The following GLRA2 variants were observed in gnomAD, a reference collection of about 807,000 sequenced individuals.
The protein encoded by GLRA2 is glycine receptor subunit alpha-2.
In GLRA2, 11 loss-of-function variants were observed where a neutral mutation model predicts 31.6. The observed-to-expected ratio is 0.35, with a 90% CI of 0.22 to 0.58. The LOEUF (loss-of-function observed/expected upper bound fraction) is 0.58, where lower values mean the gene tolerates loss of function less well. Ranked by LOEUF, GLRA2 falls within the 20% of genes least tolerant of loss-of-function variation. GLRA2 has a pLI of 0.84. For missense variants in GLRA2, 212 were observed against 351.8 expected (o/e 0.60, Z 3.18); for synonymous variants, 132 against 134.0 (o/e 0.99, Z 0.10).
chrX:14,707,100 T>C lies in GLRA2; in HGVS notation c.1080+16241T>C, dbSNP rs12559634. On this transcript the variant is annotated intron_variant, in intron 8 of 8. Coordinates refer to ENST00000218075, the MANE Select transcript of GLRA2 (RefSeq NM_002063.4). ...CCAAGTACCCTATCCTGTCAATATG[T>C]TTCATTACAGCACCATTTCCTGGAA... 9.8e-3 allele frequency among the ~76,000 whole-genome samples: 1,101 copies of C among 111,979 alleles called. 32 individuals are homozygous for C. The highest frequency in any genetic ancestry group is 0.078 in the Admixed American group (828 of 10,562).
At chrX:14,690,282 ATAAT>A (rs905323805) in intron 7 of GLRA2, among the ~76,000 whole-genome samples, 1 of 112,310 alleles carries the variant, frequency 8.9e-6, no homozygotes, top group Admixed American at 9.4e-5. Context: ...AATTAAGAGA[ATAAT>A]TATTTTTAAT....
chrX:14,641,587 G>A (rs759969286), intron 7 of GLRA2, among the ~76,000 whole-genome samples: 6 of 111,429 alleles, frequency 5.4e-5, no homozygotes, highest in Non-Finnish European at 1.1e-4. Context: ...GGAGATCATC[G>A]GAATAGACCT....
chrX:14,707,614 C>T (rs774994613), intron 8 of GLRA2, among the ~76,000 whole-genome samples: 23 of 93,793 alleles, frequency 2.5e-4, no homozygotes, highest in Middle Eastern at 0.014. Context: ...AAGAAAATAT[C>T]ATGGTATATC....
chrX:14,657,947 T>C (rs1043664178), intron 7 of GLRA2, among the ~76,000 whole-genome samples: 3 of 111,734 alleles, frequency 2.7e-5, no homozygotes, highest in African/African-American at 9.8e-5. Flanking sequence ...AATTACCTTA[T>C]ATGTATTATC....
chrX:14,725,507 A>G (rs1275437880), intron 8 of GLRA2, among the ~76,000 whole-genome samples: 1 of 112,092 alleles, frequency 8.9e-6, no homozygotes, highest in African/African-American at 3.2e-5. Context: ...GCTCAGTCCA[A>G]TAAAAAAATC....
At chrX:14,655,550 C>A (rs1215779498) in intron 7 of GLRA2, among the ~76,000 whole-genome samples, 1 of 111,551 alleles carries the variant, frequency 9.0e-6, no homozygotes, top group Non-Finnish European at 1.9e-5. Context: ...ATAATCCAAA[C>A]TGAGGGTTCC....
chrX:14,465,836 C>T, the GLRA2 span, among the ~76,000 whole-genome samples: 1 of 111,769 alleles, frequency 8.9e-6, no homozygotes, highest in Non-Finnish European at 1.9e-5. Context: ...TAGGTTAATA[C>T]TTTGGAGACC....
At chrX:14,604,151 GTTC>G (rs1163643524) in intron 4 of GLRA2, among the ~76,000 whole-genome samples, 161 bp from the exon 5 acceptor site, 1 of 110,112 alleles carries the variant, frequency 9.1e-6, no homozygotes, top group Non-Finnish European at 1.9e-5. Flanking sequence ...ATCAGTGACT[GTTC>G]TTCATTTTAA....
At chrX:14,529,444 GC>G (rs896879550), upstream of GLRA2, 2 of 108,484 alleles carry the variant, frequency 1.8e-5, no homozygotes, top group African/African-American at 6.8e-5. Flanking sequence ...CCCGACCCCC[GC>G]CCCAAGCAAC....
intron 2 of GLRA2, among the ~76,000 whole-genome samples, chrX:14,563,082 G>A (rs150264515): frequency 8.9e-6 from 1 of 112,486 alleles, no homozygotes; most frequent in East Asian, 2.8e-4. Context: ...ATTCAAAATC[G>A]ACCATGCATA....
At chrX:14,464,209 G>A in the GLRA2 span, among the ~76,000 whole-genome samples, 1 of 111,850 alleles carries the variant, frequency 8.9e-6, no homozygotes, top group South Asian at 3.7e-4. Context: ...ATTTATTTTT[G>A]ATTTTGTTGC....
intron 8 of GLRA2, among the ~76,000 whole-genome samples, chrX:14,721,139 A>G (rs2091860078): frequency 9.4e-6 from 1 of 106,839 alleles, no homozygotes; most frequent in Admixed American, 1.0e-4. Flanking sequence ...AAAAAAAAAA[A>G]TACTGTTGGG....
At chrX:14,654,907 G>A (rs999487422) in intron 7 of GLRA2, among the ~76,000 whole-genome samples, 1 of 111,261 alleles carries the variant, frequency 9.0e-6, no homozygotes, top group African/African-American at 3.3e-5. Flanking sequence ...CAAGAGAAAG[G>A]GGTTTCCCCT....
At chrX:14,557,102 C>CTTTTTTTTTTT (rs58282642) in intron 2 of GLRA2, among the ~76,000 whole-genome samples, 1 of 46,355 alleles carries the variant, frequency 2.2e-5, no homozygotes, top group African/African-American at 9.6e-5. Context: ...TAAAGTATTT[C>CTTTTTTTTTTT]TTTTTTTTTT....
At chrX:14,547,809 G>A (rs942843266) in intron 2 of GLRA2, among the ~76,000 whole-genome samples, 11 of 111,057 alleles carry the variant, frequency 9.9e-5, no homozygotes, top group Admixed American at 5.7e-4. Context: ...CCTTTCCTAC[G>A]TGCTCAGTCT....
intron 2 of GLRA2, among the ~76,000 whole-genome samples, chrX:14,570,196 T>G (rs2089864694): frequency 8.9e-6 from 1 of 112,142 alleles, no homozygotes; most frequent in Admixed American, 9.5e-5. Flanking sequence ...ATATTGTGAA[T>G]GCAGTTAATG....
the GLRA2 span, among the ~76,000 whole-genome samples, chrX:14,488,970 C>T: frequency 9.0e-6 from 1 of 111,318 alleles, no homozygotes; most frequent in African/African-American, 3.3e-5. Context: ...GGTTTCAAGC[C>T]TGTGTATTGT....
At chrX:14,600,509 T>A (rs989529590) in intron 4 of GLRA2, among the ~76,000 whole-genome samples, 2 of 111,474 alleles carry the variant, frequency 1.8e-5, no homozygotes, top group Non-Finnish European at 3.8e-5. Flanking sequence ...TATTTTCATA[T>A]AATGAACATT....
chrX:14,493,708 C>T, the GLRA2 span, among the ~76,000 whole-genome samples: 12 of 84,946 alleles, frequency 1.4e-4, no homozygotes, highest in African/African-American at 3.9e-4. Flanking sequence ...TATGTATACA[C>T]ATGTATACAT....
Sources: gnomAD v4.1 joint callset for allele counts (sites outside exome capture counted in the v4.1 genomes callset) on GRCh38, gnomAD v4.1.1 for gene constraint, MANE v1.5 for transcripts, NCBI Gene and HGNC (gene_info 2026-07-23, HGNC 2026-07-21) for gene names.